The following BCAS3 variants were observed in gnomAD, a reference collection of about 807,000 sequenced individuals.
The protein encoded by BCAS3 is BCAS3 microtubule associated cell migration factor.
A neutral mutation model predicts 116.1 loss-of-function variants in BCAS3; 53 were observed. The observed-to-expected ratio is 0.46, with a 90% CI of 0.37 to 0.57. BCAS3 has a LOEUF of 0.57. BCAS3 is among the 20% of genes least tolerant of loss of function. BCAS3 has a pLI of 0.00. For missense variants in BCAS3, 917 were observed against 1,165.4 expected, an observed-to-expected ratio of 0.79 and a Z score of 3.10; for synonymous variants, 391 against 408.2, an observed-to-expected ratio of 0.96 and a Z score of 0.51.
intron 14 of BCAS3, among the ~76,000 whole-genome samples, chr17:60,977,124 G>A (rs1018385589): frequency 4.6e-5 from 7 of 151,686 alleles, no homozygotes; most frequent in Admixed American, 6.6e-5. Context: ...CCCACCTCCC[G>A]GACAGGGCGG....
intron 15 of BCAS3, among the ~76,000 whole-genome samples, chr17:61,005,612 T>C (rs993979931): frequency 4.6e-5 from 7 of 151,976 alleles, no homozygotes; most frequent in Non-Finnish European, 8.8e-5. Context: ...CCAGAAAATA[T>C]CCTTAACAGT....
chr17:61,063,214 G>A lies in BCAS3; in HGVS notation c.2030-11706G>A, dbSNP rs1002927021. Among the ~76,000 whole-genome samples the A allele has an allele frequency of 1.3e-5, 2 of 152,000 alleles. No individual in the cohort carries two copies. On this transcript the variant is annotated intron_variant, in intron 19 of 23. Coordinates refer to ENST00000407086, the MANE Select transcript of BCAS3 (RefSeq NM_017679.5). The surrounding 1 kb of genome is among the most constrained non-coding windows in gnomAD (Gnocchi z 5.3). The stretch of plus-strand genomic sequence containing the variant: ...TTGCTTTGATTGTGCTTCGTCTCTT[G>A]GATCCTACTATAACAGTAAAGCCAT...
rs769133578 is a variant in BCAS3, at chr17:60,951,764, C to CTTTTTTTT, written c.1221+4427_1221+4434dup. ...AGGGTCTTGGCATTTTCTTTTCTTT[C>CTTTTTTTT]TTTTTTTTTTTTTTTTTTTTTTCTT... On this transcript the variant is annotated intron_variant, in intron 14 of 23. Transcript: ENST00000407086. Among the ~76,000 whole-genome samples, 565 of 109,518 alleles carry CTTTTTTTT rather than the reference C, an allele frequency of 5.2e-3. 1 individual carries two copies. Among genetic ancestry groups the CTTTTTTTT allele is most frequent in the African/African-American group, 0.011 (288 of 26,678 alleles). The allele number at this position is 109,518 out of a possible 152,430, so 71.8% of individuals were successfully genotyped here.
Position 60,995,124 on chromosome 17 carries a change from C to T in BCAS3, c.1486+4889C>T, listed in dbSNP as rs903224699. ...TCCTGAGTAGCTGGGATTACAGGTG[C>T]GTGCCACCATGCCCAGCTAATTCTA... On this transcript the variant is annotated intron_variant, in intron 15 of 23. Coordinates refer to ENST00000407086, the MANE Select transcript of BCAS3 (RefSeq NM_017679.5). This position sits in a 1 kb window ranked among gnomAD's most constrained non-coding sequence, Gnocchi z 4.7. Among the ~76,000 whole-genome samples, 14 of 152,028 alleles carry T rather than the reference C, an allele frequency of 9.2e-5. No individual in the cohort carries two copies. Among genetic ancestry groups the T allele is most frequent in the Admixed American group, 3.9e-4 (6 of 15,258 alleles).
intron 14 of BCAS3, among the ~76,000 whole-genome samples, chr17:60,977,656 C>T (rs190569502): frequency 1.3e-5 from 2 of 148,792 alleles, no homozygotes. Context: ...ACCCCGCTCC[C>T]CCCACCCCAC....
At chr17:60,766,521 C>T (rs994281642) in intron 6 of BCAS3, among the ~76,000 whole-genome samples, 7 of 152,136 alleles carry the variant, frequency 4.6e-5, no homozygotes, top group African/African-American at 1.4e-4. Flanking sequence ...CCACCAGCAG[C>T]AGCTGCAGAA....
intron 22 of BCAS3, among the ~76,000 whole-genome samples, chr17:61,322,804 G>GAGAGAGAGACAGAGAGAGAC (rs2055348479): frequency 7.8e-6 from 1 of 128,406 alleles, no homozygotes; most frequent in Non-Finnish European, 1.7e-5. Flanking sequence ...CAGAGAGAGA[G>GAGAGAGAGACAGAGAGAGAC]AGAGAGAGAG....
chr17:60,742,147 T>C (rs146283341), intron 5 of BCAS3, among the ~76,000 whole-genome samples: 138 of 152,330 alleles, frequency 9.1e-4, no homozygotes, highest in African/African-American at 3.1e-3. Context: ...TAAAATGTAC[T>C]GTTTGGAATA....
chr17:61,129,553 A>G (rs962825852), intron 22 of BCAS3, among the ~76,000 whole-genome samples: 1 of 152,238 alleles, frequency 6.6e-6, no homozygotes, highest in African/African-American at 2.4e-5. Flanking sequence ...ATTTGTCAGG[A>G]ATGAGAATAC....
Position 61,139,476 on chromosome 17 carries a change from ACAT to A in BCAS3, c.2425+54917_2425+54919del, listed in dbSNP as rs1200435024. ...GCTGCACCCTGTGCATTCTGGGCAC[ACAT>A]CATCTGGGCTCAGTGCGGGCTTTGT... On this transcript the variant is annotated intron_variant, in intron 22 of 23. Transcript: ENST00000407086. The surrounding 1 kb of genome is among the most constrained non-coding windows in gnomAD (Gnocchi z 4.7). Among the ~76,000 whole-genome samples the A allele has an allele frequency of 6.6e-6, 1 of 152,222 alleles. No homozygotes were observed. Among genetic ancestry groups the A allele is most frequent in the African/African-American group, 2.4e-5 (1 of 41,462 alleles).
intron 5 of BCAS3, among the ~76,000 whole-genome samples, chr17:60,738,799 A>T (rs1452328223): frequency 6.6e-6 from 1 of 152,130 alleles, no homozygotes; most frequent in Non-Finnish European, 1.5e-5. Context: ...TCTTCTGCCC[A>T]GGCTGCAGTG....
chr17:61,201,349 G>T (rs1289896179), intron 22 of BCAS3, among the ~76,000 whole-genome samples: 1 of 152,208 alleles, frequency 6.6e-6, no homozygotes, highest in Non-Finnish European at 1.5e-5. Flanking sequence ...ATTTTATCAG[G>T]CTTGCCAGCT....
intron 9 of BCAS3, among the ~76,000 whole-genome samples, chr17:60,875,238 G>A (rs1176964513): frequency 1.3e-5 from 2 of 152,092 alleles, no homozygotes; most frequent in South Asian, 4.1e-4. Flanking sequence ...TTATAAAGCT[G>A]TAAGCACAAT....
intron 9 of BCAS3, among the ~76,000 whole-genome samples, chr17:60,877,402 C>T (rs1383602498): frequency 6.6e-6 from 1 of 152,128 alleles, no homozygotes; most frequent in Non-Finnish European, 1.5e-5. Flanking sequence ...ATCTTCTGTT[C>T]TGCAGACTTT....
At chr17:61,254,163 A>G (rs2048583650) in intron 22 of BCAS3, among the ~76,000 whole-genome samples, 1 of 152,164 alleles carries the variant, frequency 6.6e-6, no homozygotes, top group African/African-American at 2.4e-5. Context: ...GCAATCCCCT[A>G]TAAAAGTTAA....
chr17:60,691,019 G>C (rs748511125), intron 4 of BCAS3, among the ~76,000 whole-genome samples: 4 of 152,002 alleles, frequency 2.6e-5, no homozygotes, highest in Non-Finnish European at 2.9e-5. Context: ...TGCAACCTGC[G>C]CCTCCTGGGT....
chr17:61,319,868 TTTCTTC>T (rs796272234), intron 22 of BCAS3, among the ~76,000 whole-genome samples: 1 of 150,842 alleles, frequency 6.6e-6, no homozygotes, highest in South Asian at 2.1e-4. Flanking sequence ...TTTTTCTTTC[TTTCTTC>T]TTCTTCTTTT....
intron 14 of BCAS3, among the ~76,000 whole-genome samples, chr17:60,968,148 T>C (rs2061757876): frequency 6.6e-6 from 1 of 152,196 alleles, no homozygotes; most frequent in Non-Finnish European, 1.5e-5. Context: ...TATCTTTGCA[T>C]TGATACTTTA....
At chr17:60,851,590 G>A in intron 7 of BCAS3, 1 of 632,790 alleles carries the variant, frequency 1.6e-6, no homozygotes, top group South Asian at 1.7e-5. Flanking sequence ...GTTAAAGCTT[G>A]AAACGAGGAA....
Sources: allele counts gnomAD v4.1 joint callset (sites outside exome capture counted in the v4.1 genomes callset), GRCh38; gene constraint gnomAD v4.1.1; non-coding constraint Gnocchi (gnomAD v3.1); transcripts MANE v1.5; gene names NCBI Gene and HGNC (gene_info 2026-07-23, HGNC 2026-07-21).